The following PLCB4 variants were observed in gnomAD, a reference collection of about 807,000 sequenced individuals.
The protein encoded by PLCB4 is 1-phosphatidylinositol 4,5-bisphosphate phosphodiesterase beta-4.
PLCB4 carries 77 observed loss-of-function variants against 178.8 expected under a neutral mutation model. The observed-to-expected ratio is 0.43, with a 90% CI of 0.36 to 0.52. PLCB4 has a LOEUF of 0.52. Among genes scored for constraint, PLCB4 ranks in the 20% least tolerant of loss-of-function variants. The pLI is 0.00. For missense variants in PLCB4, 1,024 were observed against 1,453.4 expected, an observed-to-expected ratio of 0.70 and a Z score of 4.80; for synonymous variants, 496 against 490.8, an observed-to-expected ratio of 1.01 and a Z score of -0.14.
intron 3 of PLCB4, among the ~76,000 whole-genome samples, chr20:9,250,072 A>G (rs1013436518): frequency 2.0e-5 from 3 of 152,236 alleles, no homozygotes; most frequent in African/African-American, 7.2e-5. Context: ...GCCTCTAAGC[A>G]GCAAATAATT....
chr20:9,131,627 T>TAA lies in PLCB4; in HGVS notation c.-79+35285_-79+35286insAA, dbSNP rs2092274969. ...ACTGATTTTTAATAAATCTGTTGGT[T>TAA]CGTAGTTCAAAAAGTCTGGGCAAAA... is the stretch of plus-strand genomic sequence containing the variant. On this transcript the variant is annotated intron_variant, in intron 2 of 39. Coordinates refer to ENST00000378473, the MANE Select transcript of PLCB4 (RefSeq NM_001377142.1). Among the ~76,000 whole-genome samples, 2 of 152,270 alleles carry TAA rather than the reference T, an allele frequency of 1.3e-5. 1 individual carries two copies. Among genetic ancestry groups the TAA allele is most frequent in the Admixed American group, 1.3e-4 (2 of 15,286 alleles).
intron 13 of PLCB4, among the ~76,000 whole-genome samples, chr20:9,380,810 G>A (rs1298273139): frequency 1.3e-5 from 2 of 152,230 alleles, no homozygotes; most frequent in East Asian, 1.9e-4. Flanking sequence ...GGAGAGCTGG[G>A]GGTACCTGAG....
At chr20:9,299,698 C>T (rs2094682143) in intron 3 of PLCB4, among the ~76,000 whole-genome samples, 1 of 151,890 alleles carries the variant, frequency 6.6e-6, no homozygotes. Flanking sequence ...TGTGTTTAAT[C>T]AATTGCTTAG....
chr20:9,299,902 A>C lies in PLCB4; in HGVS notation c.-15-7898A>C, dbSNP rs144544165. Reference sequence around the variant, plus strand: ...CAGATATGCCCTCACCCCATCCATCAACAGCATTGCATATTATCATATTTT... The same window carrying C: ...CAGATATGCCCTCACCCCATCCATCCACAGCATTGCATATTATCATATTTT... On this transcript the variant is annotated intron_variant, in intron 3 of 39. Transcript: ENST00000378473. Among the ~76,000 whole-genome samples, 416 of 152,160 alleles carry C rather than the reference A, an allele frequency of 2.7e-3. 2 individuals are homozygous for C. The highest frequency in any genetic ancestry group is 4.7e-3 in the Non-Finnish European group (321 of 67,956).
rs528918029 is a variant in PLCB4 at position 9,264,704 on chromosome 20, C to A, written c.-15-43096C>A. On this transcript the variant is annotated intron_variant, in intron 3 of 39. Transcript: ENST00000378473. ...TAGGCATGTGGAAGTATTTGGAAAT[C>A]TTTGAAGTACTGTTTCTCAACCTGA... 2.0e-5 allele frequency among the ~76,000 whole-genome samples: 3 copies of A among 152,294 alleles called. No individual in the cohort carries two copies. The South Asian group carries it at 6.2e-4, about 32-fold the overall frequency.
intron 13 of PLCB4, among the ~76,000 whole-genome samples, chr20:9,382,045 C>T (rs1342979686): frequency 6.6e-6 from 1 of 152,140 alleles, no homozygotes; most frequent in Non-Finnish European, 1.5e-5. Flanking sequence ...TGGGCATTTC[C>T]AATGTATATA....
intron 29 of PLCB4, among the ~76,000 whole-genome samples, 160 bp from the exon 30 acceptor site, chr20:9,436,842 G>A (rs1323641233): frequency 1.3e-5 from 2 of 152,210 alleles, no homozygotes; most frequent in African/African-American, 2.4e-5. Flanking sequence ...TTGTTAAGAA[G>A]TTGGATCTTC....
chr20:9,204,014 G>A (rs1042879387), intron 2 of PLCB4, among the ~76,000 whole-genome samples: 6 of 151,786 alleles, frequency 4.0e-5, no homozygotes, highest in African/African-American at 1.5e-4. Context: ...CCCCATGACT[G>A]CCTTTAGAGG....
At chr20:9,325,587 G>C (rs532800301) in intron 4 of PLCB4, among the ~76,000 whole-genome samples, 1 of 152,136 alleles carries the variant, frequency 6.6e-6, no homozygotes, top group Non-Finnish European at 1.5e-5. Flanking sequence ...TACAAACCTA[G>C]ACAGATCCGG....
Position 9,111,954 on chromosome 20 carries a change from A to G in PLCB4, c.-79+15612A>G, listed in dbSNP as rs547371807. On this transcript the variant is annotated intron_variant, in intron 2 of 39. Coordinates refer to ENST00000378473, the MANE Select transcript of PLCB4 (RefSeq NM_001377142.1). ...AAAGTCCACTAGTGGAAGTATTACT[A>G]TCACCTTTTTTCAAGGCTCATTACC... is the stretch of plus-strand genomic sequence containing the variant. Among the ~76,000 whole-genome samples the G allele has an allele frequency of 4.6e-5, 7 of 152,296 alleles. No homozygotes were observed. In the East Asian group the frequency reaches 1.2e-3, roughly 25 times the overall value.
intron 2 of PLCB4, among the ~76,000 whole-genome samples, chr20:9,207,063 C>T (rs1475832007): frequency 1.3e-5 from 2 of 152,250 alleles, no homozygotes; most frequent in East Asian, 3.9e-4. Context: ...TTGCAGTGAG[C>T]CGAGATCGTG....
At chr20:9,138,953 T>C (rs1325700405) in intron 2 of PLCB4, among the ~76,000 whole-genome samples, 1 of 152,118 alleles carries the variant, frequency 6.6e-6, no homozygotes, top group Non-Finnish European at 1.5e-5. Context: ...TACATGGGTA[T>C]TATAGTCAAA....
chr20:9,247,954 A>G (rs1454861958), intron 3 of PLCB4, among the ~76,000 whole-genome samples: 2 of 152,130 alleles, frequency 1.3e-5, no homozygotes, highest in Non-Finnish European at 2.9e-5. Context: ...AGCCTGTAAT[A>G]CCTTTCTTCA....
chr20:9,095,374 C>T (rs570863467), intron 1 of PLCB4, among the ~76,000 whole-genome samples: 1 of 152,196 alleles, frequency 6.6e-6, no homozygotes, highest in Admixed American at 6.5e-5. Context: ...GTTTTTGAAT[C>T]TATATATCAT....
At chr20:9,221,293 G>T (rs1241090029) in intron 3 of PLCB4, among the ~76,000 whole-genome samples, 1 of 152,188 alleles carries the variant, frequency 6.6e-6, no homozygotes, top group Non-Finnish European at 1.5e-5. Flanking sequence ...ATCAGTCACT[G>T]ACTGTGGGCA....
At chr20:9,362,288 G>GTAAAACAAGTGAC (rs1448245203) in intron 7 of PLCB4, among the ~76,000 whole-genome samples, 1 of 152,148 alleles carries the variant, frequency 6.6e-6, no homozygotes, top group East Asian at 1.9e-4. Context: ...CCCTTCACTT[G>GTAAAACAAGTGAC]TCCTTGTAAA....
At chr20:9,267,213 C>T (rs1352288842) in intron 3 of PLCB4, among the ~76,000 whole-genome samples, 1 of 152,146 alleles carries the variant, frequency 6.6e-6, no homozygotes, top group Non-Finnish European at 1.5e-5. Context: ...AAGTGATTTT[C>T]ATTAAATATG....
chr20:9,202,104 C>T (rs575377187), intron 2 of PLCB4, among the ~76,000 whole-genome samples: 8 of 152,272 alleles, frequency 5.3e-5, no homozygotes, highest in African/African-American at 1.7e-4. Context: ...TCCCAAAATA[C>T]ATTACGCTTC....
At chr20:9,129,139 G>A (rs912883782) in intron 2 of PLCB4, among the ~76,000 whole-genome samples, 3 of 152,102 alleles carry the variant, frequency 2.0e-5, no homozygotes. Flanking sequence ...ACATGGATGT[G>A]CAAATCTCTC....
Sources: allele counts gnomAD v4.1 joint callset (sites outside exome capture counted in the v4.1 genomes callset), GRCh38; gene constraint gnomAD v4.1.1; transcripts MANE v1.5; gene names NCBI Gene and HGNC (gene_info 2026-07-23, HGNC 2026-07-21).